CTNNAL1: variants seen among roughly 807,000 people sequenced by gnomAD.
CTNNAL1 encodes alpha-catulin.
Under a neutral mutation model 93.6 loss-of-function variants are expected in CTNNAL1, and 69 were observed. The observed-to-expected ratio is 0.74, with a 90% CI of 0.61 to 0.90. The LOEUF is 0.90. Ranked by LOEUF, CTNNAL1 falls within the 40% of genes least tolerant of loss-of-function variation. CTNNAL1 has a pLI of 0.00. For synonymous variants in CTNNAL1, 286 were observed against 305.4 expected (o/e 0.94, Z 0.66); for missense variants, 836 against 862.0 (o/e 0.97, Z 0.38).
intron 10 of CTNNAL1, among the ~76,000 whole-genome samples, chr9:108,968,866 C>G (rs1002616501): frequency 1.3e-5 from 2 of 151,944 alleles, no homozygotes; most frequent in Non-Finnish European, 2.9e-5. Context: ...ATCCTTTTGG[C>G]TGACAGTAAA....
chr9:109,013,205 G>A, intron 1 of CTNNAL1, 97 bp downstream of exon 1: 2 of 1,342,596 alleles, frequency 1.5e-6, no homozygotes, highest in East Asian at 3.1e-5. Context: ...GCGGAAAGTG[G>A]GGCAGCGGCT....
intron 1 of CTNNAL1, among the ~76,000 whole-genome samples, chr9:109,007,164 G>A (rs1424413707): frequency 1.3e-5 from 2 of 152,100 alleles, no homozygotes; most frequent in African/African-American, 2.4e-5. Context: ...GAACCCAGGA[G>A]GTGGAGGTTG....
rs762624328 is a variant in CTNNAL1 at position 108,979,425 on chromosome 9, A to C, written c.957T>G (p.Ser319=). 6.2e-7 allele frequency: 1 copy of C among 1,614,168 alleles called. No homozygotes were observed. The highest frequency in any genetic ancestry group is 8.5e-7 in the Non-Finnish European group (1 of 1,180,000). Residue 319 remains serine (S), a synonymous_variant, in exon 7 of 19, where the codon TCT becomes TCG. Transcript: ENST00000325551. ...GCTCCAAGATGACTTCCAATGTCACAGAAAGGTTCTCTTTGGACTGAAAAT... is the reference window on the plus strand; with the variant it reads ...GCTCCAAGATGACTTCCAATGTCACCGAAAGGTTCTCTTTGGACTGAAAAT... ...NLYFQSKENL[S]VTLEVILERM... is the part of the protein sequence containing the mutation.
chr9:108,972,549 A>T, intron 9 of CTNNAL1, 126 bp downstream of exon 9: 3 of 816,438 alleles, frequency 3.7e-6, no homozygotes, highest in Non-Finnish European at 5.8e-6. Flanking sequence ...GTATGCTTTT[A>T]AGATGCCAAA....
At chr9:109,005,579 A>C (rs1344570788) in intron 1 of CTNNAL1, among the ~76,000 whole-genome samples, 2 of 152,184 alleles carry the variant, frequency 1.3e-5, no homozygotes, top group Non-Finnish European at 2.9e-5. Context: ...ACAGCTGTCC[A>C]TGAACCAGAA....
chr9:108,988,532 A>C (rs1377219559), intron 4 of CTNNAL1, among the ~76,000 whole-genome samples: 2 of 152,338 alleles, frequency 1.3e-5, no homozygotes, highest in East Asian at 3.9e-4. Flanking sequence ...TACTGTTAAA[A>C]TGTAAGTCAG....
At chr9:108,997,017 T>A (rs1832047665) in intron 2 of CTNNAL1, among the ~76,000 whole-genome samples, 1 of 152,368 alleles carries the variant, frequency 6.6e-6, no homozygotes, top group East Asian at 1.9e-4. Context: ...GGTTTATTTA[T>A]TTTCACATCC....
intron 11 of CTNNAL1, among the ~76,000 whole-genome samples, chr9:108,963,115 C>T (rs1260677181): frequency 6.6e-6 from 1 of 152,188 alleles, no homozygotes; most frequent in Non-Finnish European, 1.5e-5. Flanking sequence ...AGCTTATCAA[C>T]CTCTAATTGC....
chr9:108,942,786 T>C lies in CTNNAL1; in HGVS notation c.2188A>G (p.Met730Val). Residue 730 changes from methionine (M) to valine (V), a missense_variant, in exon 19 of 19, where the codon ATG (methionine) becomes GTG (valine). By Grantham distance (21) the Met-to-Val change is conservative. Coordinates refer to ENST00000325551, the MANE Select transcript of CTNNAL1 (RefSeq NM_003798.4). The stretch of plus-strand genomic sequence containing the variant: ...AAAGCTTCTCAAGTTTTACTATCCA[T>C]AGTGTCCTTATTTGTAACTGAGACC... ...GWVSVTNKDT[M>V]DSKT 2 of 1,611,990 alleles carry C rather than the reference T, an allele frequency of 1.2e-6. No individual in the cohort carries two copies. Among genetic ancestry groups the C allele is most frequent in the Non-Finnish European group, 1.7e-6 (2 of 1,178,250 alleles).
Position 108,965,372 on chromosome 9 carries a change from T to C in CTNNAL1, c.1591+6A>G. The C allele has an allele frequency of 6.9e-7, 1 of 1,443,886 alleles. No homozygotes were observed. Among genetic ancestry groups the C allele is most frequent in the East Asian group, 2.6e-5 (1 of 37,862 alleles). The allele number at this position is 1,443,886 out of a possible 1,614,324, so 89.4% of individuals were successfully genotyped here. ...AACATATTTCATTATGTGGACAGTT[T>C]CTCACCTCGTCTTCCTTCAAACACG... On this transcript the variant is annotated splice_donor_region_variant and intron_variant, in intron 11 of 18. Transcript: ENST00000325551.
At chr9:108,955,456 A>G (rs1830667576) in intron 12 of CTNNAL1, among the ~76,000 whole-genome samples, 1 of 152,240 alleles carries the variant, frequency 6.6e-6, no homozygotes, top group Non-Finnish European at 1.5e-5. Flanking sequence ...TGACTTCTCA[A>G]AGTAGATCCA....
intron 16 of CTNNAL1, 71 bp downstream of exon 16, chr9:108,943,890 AT>A (rs1338873590): frequency 6.3e-7 from 1 of 1,597,588 alleles, no homozygotes; most frequent in African/African-American, 1.3e-5. Flanking sequence ...ACATTTATAC[AT>A]TGATATTATA....
chr9:109,013,180 C>T, intron 1 of CTNNAL1, 122 bp downstream of exon 1: 8 of 1,240,492 alleles, frequency 6.4e-6, no homozygotes, highest in Middle Eastern at 2.4e-4. Context: ...CCGACAAGAA[C>T]GCCGCAGTGC....
intron 1 of CTNNAL1, among the ~76,000 whole-genome samples, chr9:109,010,932 A>G (rs920306603): frequency 1.3e-5 from 2 of 152,226 alleles, no homozygotes; most frequent in Non-Finnish European, 2.9e-5. Flanking sequence ...GACACTTTGC[A>G]TGTGCTGTTC....
intron 1 of CTNNAL1, 39 bp from the exon 2 acceptor site, chr9:108,999,295 C>CTT: frequency 1.3e-6 from 2 of 1,533,232 alleles, no homozygotes; most frequent in Non-Finnish European, 1.8e-6. Context: ...ATCTCAATAC[C>CTT]TTTTCTTTTT....
chr9:108,944,025 G>T lies in CTNNAL1; in HGVS notation c.1885-7C>A, dbSNP rs1157868542. On this transcript the variant is annotated splice_region_variant and splice_polypyrimidine_tract_variant and intron_variant, in intron 15 of 18. Transcript: ENST00000325551. ...AACCCTCTGCAGCAAAAACCTGGTA[G>T]AAAGAGAAAACACCACTATTTTAGA... The T allele has an allele frequency of 1.2e-6, 2 of 1,612,868 alleles. No homozygotes were observed. The highest frequency in any genetic ancestry group is 8.5e-7 in the Non-Finnish European group (1 of 1,179,418).
intron 11 of CTNNAL1, among the ~76,000 whole-genome samples, chr9:108,958,516 CG>C (rs888785402): frequency 3.6e-4 from 55 of 152,172 alleles, no homozygotes; most frequent in African/African-American, 1.2e-3. Context: ...ATGATTTATA[CG>C]AATTTGAGGA....
At chr9:108,945,622 C>G (rs1361166271) in intron 15 of CTNNAL1, among the ~76,000 whole-genome samples, 1 of 114,166 alleles carries the variant, frequency 8.8e-6, no homozygotes, top group Non-Finnish European at 1.8e-5. Context: ...CCACCATGCC[C>G]CGCTAGTTTT....
intron 12 of CTNNAL1, among the ~76,000 whole-genome samples, chr9:108,955,027 A>G (rs1830658120): frequency 1.3e-5 from 2 of 151,144 alleles, no homozygotes; most frequent in South Asian, 4.2e-4. Context: ...CAGTGGCACG[A>G]TCTTGGCTCA....
Sources: allele counts gnomAD v4.1 joint callset (sites outside exome capture counted in the v4.1 genomes callset), GRCh38; gene constraint gnomAD v4.1.1; transcripts MANE v1.5; gene names NCBI Gene and HGNC (gene_info 2026-07-23, HGNC 2026-07-21).